CDH8: variants seen among roughly 807,000 people sequenced by gnomAD.
CDH8 encodes the protein cadherin 8.
CDH8 carries 17 observed loss-of-function variants against 68.1 expected under a neutral mutation model. The ratio of observed to expected loss-of-function variants is 0.25; its 90% CI spans 0.17 to 0.37. The LOEUF is 0.37. Among genes scored for constraint, CDH8 ranks in the 10% least tolerant of loss-of-function variants. The pLI is 1.00. For missense variants in CDH8, 763 were observed against 999.3 expected, an observed-to-expected ratio of 0.76 and a Z score of 3.19; for synonymous variants, 372 against 365.1, an observed-to-expected ratio of 1.02 and a Z score of -0.21.
intron 2 of CDH8, among the ~76,000 whole-genome samples, chr16:61,971,699 T>A (rs1965343142): frequency 6.6e-6 from 1 of 152,138 alleles, no homozygotes; most frequent in South Asian, 2.1e-4. Flanking sequence ...CCCTGGAGTT[T>A]GGAGGGTGGG....
chr16:62,007,238 A>T (rs1263715402), intron 2 of CDH8, among the ~76,000 whole-genome samples: 1 of 152,206 alleles, frequency 6.6e-6, no homozygotes, highest in African/African-American at 2.4e-5. Flanking sequence ...TTTTAGACAG[A>T]TGTAAACTGT....
intron 1 of CDH8, among the ~76,000 whole-genome samples, chr16:62,035,550 A>G (rs1041091945): frequency 1.3e-5 from 2 of 152,184 alleles, no homozygotes; most frequent in South Asian, 2.1e-4. Flanking sequence ...CTTGGCCCGC[A>G]GCCCTGCCGC....
rs185684145 is a variant in CDH8, at chr16:61,939,408, A to G, written c.253-37935T>C. 4.4e-3 allele frequency among the ~76,000 whole-genome samples: 674 copies of G among 152,186 alleles called. 2 individuals are homozygous for G. The highest frequency in any genetic ancestry group is 7.6e-3 in the Non-Finnish European group (518 of 67,924). ...AAATTTAAATAAACAAAGCTTGAAGATGGGGAAGCATTATTTTTCCTCCTT... is the reference window on the plus strand; with the variant it reads ...AAATTTAAATAAACAAAGCTTGAAGGTGGGGAAGCATTATTTTTCCTCCTT... On this transcript the variant is annotated intron_variant, in intron 2 of 11. Coordinates refer to ENST00000577390, the MANE Select transcript of CDH8 (RefSeq NM_001796.5).
At chr16:62,025,996 AG>A (rs1902190826) in intron 1 of CDH8, among the ~76,000 whole-genome samples, 1 of 152,194 alleles carries the variant, frequency 6.6e-6, no homozygotes, top group Non-Finnish European at 1.5e-5. Flanking sequence ...CACTGTTAAA[AG>A]CCTGAGGTCA....
chr16:61,877,210 G>A (rs1000271756), intron 3 of CDH8, among the ~76,000 whole-genome samples: 1 of 151,718 alleles, frequency 6.6e-6, no homozygotes, highest in East Asian at 1.9e-4. Context: ...TAAAGAAATT[G>A]TTTCATCATC....
chr16:61,768,352 C>CCCTT (rs1960663777), intron 8 of CDH8, among the ~76,000 whole-genome samples: 3 of 113,818 alleles, frequency 2.6e-5, no homozygotes, highest in Admixed American at 8.9e-5. Flanking sequence ...CTCTCTCTCT[C>CCCTT]TCTCTCTCTC....
At chr16:61,900,108 G>C (rs894659965) in intron 3 of CDH8, among the ~76,000 whole-genome samples, 2 of 152,074 alleles carry the variant, frequency 1.3e-5, no homozygotes, top group African/African-American at 4.8e-5. Flanking sequence ...TATAAAACTT[G>C]AGAACAGGGT....
In CDH8 at chr16:61,724,972, GT is replaced by G. The variant is rs760998470; in HGVS notation, c.1536+2121del. Among the ~76,000 whole-genome samples the G allele has an allele frequency of 2.6e-5, 4 of 150,956 alleles. No homozygotes were observed. In the East Asian group the frequency reaches 7.8e-4, roughly 29 times the overall value. On this transcript the variant is annotated intron_variant, in intron 9 of 11. Transcript: ENST00000577390. ...CTGACTAACATAAAGGATTCAAAGAGTTCAAGAAAGTTGTTTCAACAACAGC... is the reference window on the plus strand; with the variant it reads ...CTGACTAACATAAAGGATTCAAAGAGTCAAGAAAGTTGTTTCAACAACAGC...
intron 10 of CDH8, chr16:61,691,743 T>C (rs1411787156): frequency 6.6e-6 from 1 of 151,586 alleles, no homozygotes; most frequent in Non-Finnish European, 1.5e-5. Context: ...AAAAAAAAAG[T>C]ATACAAGGCA....
At chr16:61,877,542 A>C (rs755733429) in intron 3 of CDH8, among the ~76,000 whole-genome samples, 1 of 152,174 alleles carries the variant, frequency 6.6e-6, no homozygotes, top group Non-Finnish European at 1.5e-5. Context: ...CCTTCAGAAC[A>C]AAATTTATAT....
intron 2 of CDH8, among the ~76,000 whole-genome samples, chr16:61,951,307 C>G (rs568148772): frequency 6.6e-6 from 1 of 151,772 alleles, no homozygotes. Flanking sequence ...GTCAGGAGAT[C>G]GAGACCATCC....
At chr16:61,808,197 T>C (rs1961841881) in intron 7 of CDH8, among the ~76,000 whole-genome samples, 1 of 152,196 alleles carries the variant, frequency 6.6e-6, no homozygotes, top group African/African-American at 2.4e-5. Flanking sequence ...TGCTTCTTCA[T>C]CCATTTTGGT....
At chr16:61,998,844 G>A (rs1342268827) in intron 2 of CDH8, among the ~76,000 whole-genome samples, 1 of 152,002 alleles carries the variant, frequency 6.6e-6, no homozygotes, top group African/African-American at 2.4e-5. Context: ...TGTAAGACTA[G>A]ATATTTTATT....
chr16:61,733,980 C>T (rs1197712887), intron 8 of CDH8, among the ~76,000 whole-genome samples: 1 of 151,836 alleles, frequency 6.6e-6, no homozygotes, highest in Non-Finnish European at 1.5e-5. Context: ...TTCTTGATAG[C>T]TTTATCTACT....
chr16:61,851,994 C>T (rs1250058165), intron 4 of CDH8, among the ~76,000 whole-genome samples: 2 of 152,022 alleles, frequency 1.3e-5, no homozygotes, highest in African/African-American at 4.8e-5. Flanking sequence ...AAGAAACATG[C>T]AAGTCAAACT....
chr16:61,761,015 CAA>C (rs1453689448), intron 8 of CDH8, among the ~76,000 whole-genome samples: 5 of 152,096 alleles, frequency 3.3e-5, no homozygotes, highest in Admixed American at 2.6e-4. Context: ...TTATTTTCCT[CAA>C]AGTCACATGA....
intron 10 of CDH8, among the ~76,000 whole-genome samples, chr16:61,683,612 G>C (rs1964051784): frequency 6.6e-6 from 1 of 151,944 alleles, no homozygotes; most frequent in South Asian, 2.1e-4. Context: ...AAGGACATTT[G>C]GGTATCATTA....
At chr16:61,946,684 T>C (rs1337914572) in intron 2 of CDH8, among the ~76,000 whole-genome samples, 1 of 152,126 alleles carries the variant, frequency 6.6e-6, no homozygotes, top group Non-Finnish European at 1.5e-5. Flanking sequence ...TTCCATCTTT[T>C]CCCCTCACAT....
chr16:61,689,917 T>C (rs1412322506), intron 10 of CDH8, among the ~76,000 whole-genome samples: 1 of 152,016 alleles, frequency 6.6e-6, no homozygotes, highest in African/African-American at 2.4e-5. Context: ...ATAGGTAGGA[T>C]ACAACAGTCT....
Sources: allele counts gnomAD v4.1 joint callset (sites outside exome capture counted in the v4.1 genomes callset), GRCh38; gene constraint gnomAD v4.1.1; transcripts MANE v1.5; gene names NCBI Gene and HGNC (gene_info 2026-07-23, HGNC 2026-07-21).